RYR1: variants seen among roughly 807,000 people sequenced by gnomAD.
RYR1 encodes the protein ryanodine receptor 1, also known as central core disease of muscle.
In RYR1, 342 loss-of-function variants were observed where a neutral mutation model predicts 583.5. That is an observed-to-expected ratio of 0.59 (90% confidence interval 0.54 to 0.64). The LOEUF is 0.64. RYR1 is among the 30% of genes least tolerant of loss of function. RYR1 has a pLI of 0.00. For missense variants in RYR1, 6,032 were observed against 6,917.2 expected (o/e 0.87, Z 4.54); for synonymous variants, 2,791 against 2,822.5 (o/e 0.99, Z 0.35).
intron 99 of RYR1, among the ~76,000 whole-genome samples, chr19:38,579,590 CAAAAAA>C (rs1236481962): frequency 1.6e-5 from 1 of 62,236 alleles, no homozygotes; most frequent in Admixed American, 1.9e-4. Context: ...AACTCCATCT[CAAAAAA>C]AAAAAAAAAA....
At chr19:38,465,029 G>T (rs1968020242) in intron 23 of RYR1, among the ~76,000 whole-genome samples, 1 of 152,120 alleles carries the variant, frequency 6.6e-6, no homozygotes, top group Admixed American at 6.6e-5. Flanking sequence ...AGGGGCCAAT[G>T]GTAAGAGGTG....
chr19:38,499,068 G>C lies in RYR1; in HGVS notation c.6892-40G>C. Reference sequence around the variant, plus strand: ...AGGGCTGAGCCCCAGGAGGAAGGTGGCATGGGTCTGGTCTCTGACTGAGCC... The same window carrying C: ...AGGGCTGAGCCCCAGGAGGAAGGTGCCATGGGTCTGGTCTCTGACTGAGCC... On this transcript the variant is annotated intron_variant, in intron 42 of 105. Coordinates refer to ENST00000359596, the MANE Select transcript of RYR1 (RefSeq NM_000540.3). The surrounding 1 kb of genome is among the most constrained non-coding windows in gnomAD (Gnocchi z 7.3). 1 of 1,610,162 alleles carries C rather than the reference G, an allele frequency of 6.2e-7. No homozygotes were observed. Among genetic ancestry groups the C allele is most frequent in the Non-Finnish European group, 8.5e-7 (1 of 1,177,540 alleles).
At chr19:38,514,949 T>C in intron 63 of RYR1, 77 bp from the exon 64 acceptor site, 1 of 971,254 alleles carries the variant, frequency 1.0e-6, no homozygotes, top group Non-Finnish European at 1.6e-6. Context: ...CATGGGCCTA[T>C]TTGAGACAAG....
chr19:38,532,779 C>G (rs368614666), intron 78 of RYR1, 43 bp downstream of exon 78: 23 of 1,581,200 alleles, frequency 1.5e-5, no homozygotes, highest in Non-Finnish European at 2.0e-5. Context: ...GATGGGGGAC[C>G]CTGACTGCAG....
intron 76 of RYR1, among the ~76,000 whole-genome samples, chr19:38,531,630 G>A (rs1971744249): frequency 6.6e-6 from 1 of 152,114 alleles, no homozygotes; most frequent in East Asian, 1.9e-4. Context: ...ATTAGCTCCA[G>A]CAAACCTCAC....
chr19:38,488,687 T>C (rs1969409256), intron 34 of RYR1, among the ~76,000 whole-genome samples: 1 of 152,144 alleles, frequency 6.6e-6, no homozygotes, highest in Non-Finnish European at 1.5e-5. Flanking sequence ...TGTATTTTTG[T>C]AGAGACGGGG....
At chr19:38,518,244 C>G (rs1032352247) in intron 66 of RYR1, among the ~76,000 whole-genome samples, 8 of 151,790 alleles carry the variant, frequency 5.3e-5, no homozygotes, top group Non-Finnish European at 8.8e-5. Flanking sequence ...ATCCTCAAAG[C>G]GTTAGGTTTC....
At chr19:38,492,444 A>C in intron 37 of RYR1, 46 bp from the exon 38 acceptor site, 1 of 1,610,472 alleles carries the variant, frequency 6.2e-7, no homozygotes, top group Non-Finnish European at 8.5e-7. Flanking sequence ...GCAGGTGAAT[A>C]AGCAAACTAA....
At position 38,443,609 on chromosome 19, in the gene RYR1, C is replaced by T. The variant is rs763484042; in HGVS notation, c.322C>T (p.Leu108Phe). The T allele has an allele frequency of 3.1e-6, 5 of 1,614,160 alleles. No homozygotes were observed. The Admixed American group carries it at 8.3e-5, about 27-fold the overall frequency. The change falls in exon 4 of 106, where the codon CTC (leucine) becomes TTC (phenylalanine). Residue 108 changes from leucine to phenylalanine, a missense_variant. This residue lies in a region of RYR1 where 338 missense variants were observed against 441.6 expected (regional missense o/e 0.77). Transcript: ENST00000359596. ...RTLLYGHAIL[L>F]RHAHSRMYLS... is the part of the protein sequence containing the mutation. ...GCTCCTGTATGGCCATGCCATCCTGCTCCGGCATGCACACAGCCGCATGGT... is the reference window on the plus strand; with the variant it reads ...GCTCCTGTATGGCCATGCCATCCTGTTCCGGCATGCACACAGCCGCATGGT...
chr19:38,445,167 A>G (rs1972877239), intron 7 of RYR1, among the ~76,000 whole-genome samples: 1 of 141,578 alleles, frequency 7.1e-6, no homozygotes, highest in Non-Finnish European at 1.5e-5. Context: ...GAGGCAGGAG[A>G]ATTGCTTGAA....
intron 36 of RYR1, 58 bp from the exon 37 acceptor site, chr19:38,490,563 C>A: frequency 9.0e-7 from 1 of 1,111,900 alleles, no homozygotes; most frequent in Non-Finnish European, 1.4e-6. Context: ...TATCTCTGAT[C>A]TCAGAGTTCC....
rs778155711 is a variant in RYR1, at chr19:38,561,413, G to C, written c.12583G>C (p.Glu4195Gln). Residue 4195 changes from glutamate (E) to glutamine (Q), a missense_variant, in exon 90 of 106, where the codon GAG becomes CAG. Glu to Gln is a conservative substitution (Grantham distance 29). Coordinates refer to ENST00000359596, the MANE Select transcript of RYR1 (RefSeq NM_000540.3). This position sits in a 1 kb window ranked among gnomAD's most constrained non-coding sequence, Gnocchi z 4.8. Reference protein sequence around the residue: ...ASRRIERIYFEISETNRAQWE... With the variant: ...ASRRIERIYFQISETNRAQWE... ...ACGCCGCATCGAGCGCATCTACTTC[G>C]AGATCTCAGAGACCAACCGCGCCCA... 1 of 1,612,188 alleles carries C rather than the reference G, an allele frequency of 6.2e-7. No individual in the cohort carries two copies.
chr19:38,459,460 C>T, intron 19 of RYR1, 122 bp downstream of exon 19: 1 of 924,344 alleles, frequency 1.1e-6, no homozygotes, highest in Admixed American at 2.1e-5. Context: ...TCAAGACTGA[C>T]TGGTGTCCAG....
Position 38,502,810 on chromosome 19 carries a change from G to GGC in RYR1, c.7836-70_7836-69insGC. The GGC allele has an allele frequency of 4.5e-6, 3 of 667,290 alleles. No individual in the cohort carries two copies. The Middle Eastern group carries it at 1.4e-3, about 320-fold the overall frequency. The allele number at this position is 667,290 out of a possible 1,614,324, so 41.3% of individuals were successfully genotyped here. On this transcript the variant is annotated intron_variant, in intron 48 of 105. Transcript: ENST00000359596. Reference sequence around the variant, plus strand: ...GCAGGGGCAGGGGCAGGGGCAGGGGGAGGAGCAGGGGCAGGGGCAGCAGAG... The same window carrying GGC: ...GCAGGGGCAGGGGCAGGGGCAGGGGGGCAGGAGCAGGGGCAGGGGCAGCAGAG...
Position 38,565,525 on chromosome 19 carries a change from C to CG in RYR1, c.13194dup (p.Pro4399AlafsTer184). On this transcript the variant is annotated frameshift_variant, in exon 91 of 106. Coordinates refer to ENST00000359596, the MANE Select transcript of RYR1 (RefSeq NM_000540.3). LOFTEE classifies it high-confidence loss of function. The surrounding 1 kb of genome is among the most constrained non-coding windows in gnomAD (Gnocchi z 4.7). ...ACGAGGTGCACGGCGAGCAGCCGGC[C>CG]GGGCCGGGCGGAGACGCAGACGGCG... 6.7e-7 allele frequency: 1 copy of CG among 1,502,826 alleles called. No homozygotes were observed. The allele number at this position is 1,502,826 out of a possible 1,614,324, so 93.1% of individuals were successfully genotyped here.
At chr19:38,502,255 G>T (rs1166335950) in intron 47 of RYR1, among the ~76,000 whole-genome samples, 1 of 152,124 alleles carries the variant, frequency 6.6e-6, no homozygotes. Flanking sequence ...ATCTGTAATG[G>T]GGTTCATTAA....
chr19:38,549,925 G>GTT (rs1972595816), intron 89 of RYR1, among the ~76,000 whole-genome samples: 2 of 131,750 alleles, frequency 1.5e-5, no homozygotes, highest in Non-Finnish European at 3.3e-5. Context: ...GTGTGTGTGT[G>GTT]TTGTATTTTT....
rs1013258657 is a variant in RYR1, at chr19:38,561,146, G to C, written c.12316G>C (p.Glu4106Gln). 1.2e-6 allele frequency: 2 copies of C among 1,614,130 alleles called. No individual in the cohort carries two copies. The highest frequency in any genetic ancestry group is 1.7e-6 in the Non-Finnish European group (2 of 1,180,030). ...MDSQKQFSGP[E>Q]IQFLLSCSEA... Reference sequence around the variant, plus strand: ...CAGCCAGAAGCAGTTCAGCGGTCCAGAAATCCAGTTCCTGCTTTCGTGCTC... The same window carrying C: ...CAGCCAGAAGCAGTTCAGCGGTCCACAAATCCAGTTCCTGCTTTCGTGCTC... Residue 4106 changes from glutamate (E) to glutamine (Q), a missense_variant, in exon 90 of 106, where the codon GAA (glutamate) becomes CAA (glutamine). Transcript: ENST00000359596. This position sits in a 1 kb window ranked among gnomAD's most constrained non-coding sequence, Gnocchi z 4.8.
chr19:38,528,028 G>T (rs1282728084), intron 73 of RYR1: 26 of 619,434 alleles, frequency 4.2e-5, no homozygotes, highest in Non-Finnish European at 6.8e-5. Flanking sequence ...GGGCCTAGAG[G>T]AGATGCGTTG....
Sources: allele counts gnomAD v4.1 joint callset (sites outside exome capture counted in the v4.1 genomes callset), GRCh38; gene constraint gnomAD v4.1.1; regional missense constraint gnomAD v4.1.1; non-coding constraint Gnocchi (gnomAD v3.1); transcripts MANE v1.5; gene names NCBI Gene and HGNC (gene_info 2026-07-23, HGNC 2026-07-21).